DSCAM: variants seen among roughly 807,000 people sequenced by gnomAD.
DSCAM encodes the protein cell adhesion molecule DSCAM.
A neutral mutation model predicts 217.7 loss-of-function variants in DSCAM; 47 were observed. That is an observed-to-expected ratio of 0.22 (90% CI 0.17 to 0.28). DSCAM has a LOEUF of 0.28. Ranked by LOEUF, DSCAM falls within the 10% of genes least tolerant of loss-of-function variation. DSCAM has a pLI of 1.00. For synonymous variants in DSCAM, 1,056 were observed against 1,015.3 expected, an observed-to-expected ratio of 1.04 and a Z score of -0.76; for missense variants, 2,080 against 2,618.3, an observed-to-expected ratio of 0.79 and a Z score of 4.49.
At chr21:40,672,418 C>T (rs1399939890) in intron 3 of DSCAM, among the ~76,000 whole-genome samples, 2 of 152,110 alleles carry the variant, frequency 1.3e-5, no homozygotes, top group Non-Finnish European at 2.9e-5. Context: ...AAACTATCCA[C>T]TTTCTTTTAT....
intron 3 of DSCAM, among the ~76,000 whole-genome samples, chr21:40,412,643 G>T (rs954891285): frequency 6.6e-6 from 1 of 152,218 alleles, no homozygotes; most frequent in Non-Finnish European, 1.5e-5. Context: ...CTAGGGTGCT[G>T]TTAAAGGCAT....
At chr21:40,603,301 T>C (rs557517877) in intron 3 of DSCAM, among the ~76,000 whole-genome samples, 1 of 152,290 alleles carries the variant, frequency 6.6e-6, no homozygotes, top group Admixed American at 6.5e-5. Context: ...CATTCTGCTG[T>C]TGTTCATGAA....
chr21:40,156,541 C>T (rs2090481463), intron 16 of DSCAM, among the ~76,000 whole-genome samples: 1 of 152,020 alleles, frequency 6.6e-6, no homozygotes, highest in African/African-American at 2.4e-5. Context: ...AACCAATGAA[C>T]CAGAAGCCAT....
chr21:40,118,759 C>T (rs769239742), intron 20 of DSCAM, among the ~76,000 whole-genome samples: 6 of 152,160 alleles, frequency 3.9e-5, no homozygotes, highest in East Asian at 1.9e-4. Flanking sequence ...CATCTCTGGC[C>T]GTATGTTTGA....
At chr21:40,146,014 A>C (rs1216417671) in intron 16 of DSCAM, among the ~76,000 whole-genome samples, 3 of 151,956 alleles carry the variant, frequency 2.0e-5, no homozygotes, top group African/African-American at 4.8e-5. Context: ...ATGTATATAC[A>C]TATACACGTA....
At chr21:40,807,852 A>G (rs2091801940) in intron 1 of DSCAM, among the ~76,000 whole-genome samples, 1 of 152,152 alleles carries the variant, frequency 6.6e-6, no homozygotes, top group Non-Finnish European at 1.5e-5. Context: ...ATTTTTACAT[A>G]TTATAGCATG....
intron 3 of DSCAM, among the ~76,000 whole-genome samples, chr21:40,631,785 C>G (rs1009174788): frequency 1.3e-5 from 2 of 152,192 alleles, no homozygotes; most frequent in African/African-American, 2.4e-5. Flanking sequence ...CACATCTGAT[C>G]TCTGTGGGGA....
chr21:40,449,741 T>C (rs7283977), intron 3 of DSCAM, among the ~76,000 whole-genome samples: 3,360 of 152,296 alleles, frequency 0.022, 110 homozygotes, highest in African/African-American at 0.072. Flanking sequence ...AACATCTATA[T>C]ATCTTTTTTA....
chr21:40,315,945 AC>A (rs1485699835), intron 8 of DSCAM, among the ~76,000 whole-genome samples: 1 of 152,224 alleles, frequency 6.6e-6, no homozygotes, highest in Non-Finnish European at 1.5e-5. Flanking sequence ...AAGAACAGAC[AC>A]AAAAACGCAA....
intron 3 of DSCAM, among the ~76,000 whole-genome samples, chr21:40,596,969 T>C (rs1228466124): frequency 2.0e-5 from 3 of 152,146 alleles, no homozygotes; most frequent in Non-Finnish European, 4.4e-5. Context: ...ATAAACAGCA[T>C]CATCTTCTAC....
intron 21 of DSCAM, among the ~76,000 whole-genome samples, chr21:40,088,013 C>T (rs1241284406): frequency 6.6e-6 from 1 of 152,218 alleles, no homozygotes; most frequent in Admixed American, 6.5e-5. Context: ...CAGTGAGTCA[C>T]AAAAGCTGAC....
At chr21:40,731,232 A>G (rs977395724) in intron 1 of DSCAM, among the ~76,000 whole-genome samples, 7 of 152,200 alleles carry the variant, frequency 4.6e-5, no homozygotes, top group Non-Finnish European at 1.0e-4. Flanking sequence ...GTTGTATTTA[A>G]TGTTTTCATT....
intron 20 of DSCAM, among the ~76,000 whole-genome samples, chr21:40,111,741 A>AC (rs1164478495): frequency 6.6e-6 from 1 of 152,122 alleles, no homozygotes; most frequent in African/African-American, 2.4e-5. Context: ...CAAATAGAAA[A>AC]CAAAAAAAGG....
In DSCAM at chr21:40,055,845, G is replaced by T. The variant is rs376791154; in HGVS notation, c.4920-5C>A. 5.6e-6 allele frequency: 9 copies of T among 1,607,188 alleles called. No homozygotes were observed. Among genetic ancestry groups the T allele is most frequent in the Non-Finnish European group, 7.7e-6 (9 of 1,173,942 alleles). On this transcript the variant is annotated splice_region_variant and splice_polypyrimidine_tract_variant and intron_variant, in intron 28 of 32. Transcript: ENST00000400454. Reference sequence around the variant, plus strand: ...TCTGAAGTCCGGGTATTCTTACTGGGAATAAAATGGGGTAATGCATTAACA... The same window carrying T: ...TCTGAAGTCCGGGTATTCTTACTGGTAATAAAATGGGGTAATGCATTAACA...
chr21:40,600,348 A>C (rs34018160), intron 3 of DSCAM, among the ~76,000 whole-genome samples: 56,099 of 151,916 alleles, frequency 0.37, 10,576 homozygotes, highest in East Asian at 0.56. Flanking sequence ...ATAGATGGTG[A>C]TTCTTGCTAC....
intron 3 of DSCAM, among the ~76,000 whole-genome samples, chr21:40,449,925 C>T (rs1322679197): frequency 6.6e-6 from 1 of 152,044 alleles, no homozygotes; most frequent in African/African-American, 2.4e-5. Flanking sequence ...AATACATAAG[C>T]CAATTAAAAT....
At chr21:40,580,417 C>T (rs2076895437) in intron 3 of DSCAM, among the ~76,000 whole-genome samples, 1 of 151,730 alleles carries the variant, frequency 6.6e-6, no homozygotes, top group Non-Finnish European at 1.5e-5. Context: ...CCCATAATCC[C>T]AGCTACTTGG....
At chr21:40,276,533 C>T (rs1359858173) in intron 10 of DSCAM, among the ~76,000 whole-genome samples, 1 of 152,044 alleles carries the variant, frequency 6.6e-6, no homozygotes, top group Non-Finnish European at 1.5e-5. Flanking sequence ...CATAAAAAGC[C>T]AAATTTGATG....
At chr21:40,107,732 G>T (rs2089839487) in intron 20 of DSCAM, among the ~76,000 whole-genome samples, 1 of 152,084 alleles carries the variant, frequency 6.6e-6, no homozygotes, top group Non-Finnish European at 1.5e-5. Context: ...TTCTTGAATT[G>T]AACCCTTTAC....
Sources: allele counts gnomAD v4.1 joint callset (sites outside exome capture counted in the v4.1 genomes callset), GRCh38; gene constraint gnomAD v4.1.1; transcripts MANE v1.5; gene names NCBI Gene and HGNC (gene_info 2026-07-23, HGNC 2026-07-21).